SLC18A1: variants seen among roughly 807,000 people sequenced by gnomAD.
SLC18A1 encodes solute carrier family 18 member A1.
A neutral mutation model predicts 53.7 loss-of-function variants in SLC18A1; 69 were observed. The observed-to-expected ratio is 1.28, with a 90% CI of 1.06 to 1.57. The LOEUF (loss-of-function observed/expected upper bound fraction) is 1.57. SLC18A1 is among the 40% of genes most tolerant of loss of function. SLC18A1 has a pLI of 0.00. For synonymous variants in SLC18A1, 320 were observed against 248.1 expected (o/e 1.29, Z -2.72); for missense variants, 932 against 668.1 (o/e 1.40, Z -4.35).
intron 15 of SLC18A1, among the ~76,000 whole-genome samples, chr8:20,146,267 T>A (rs1204190837): frequency 6.6e-6 from 1 of 152,140 alleles, no homozygotes; most frequent in East Asian, 1.9e-4. Context: ...CTCCCACTAG[T>A]TCTTCCAAGG....
At chr8:20,155,908 C>G (rs889562249) in intron 10 of SLC18A1, among the ~76,000 whole-genome samples, 4 of 152,200 alleles carry the variant, frequency 2.6e-5, no homozygotes, top group African/African-American at 9.7e-5. Flanking sequence ...CCCCACCACC[C>G]TTGCAAGGGC....
At chr8:20,178,882 T>G (rs2072326968) in intron 3 of SLC18A1, among the ~76,000 whole-genome samples, 2 of 152,210 alleles carry the variant, frequency 1.3e-5, no homozygotes, top group South Asian at 4.1e-4. Context: ...CACAGCACAC[T>G]GCTGTTCATG....
At chr8:20,170,961 A>G (rs1016960239) in intron 8 of SLC18A1, 142 bp downstream of exon 8, 2 of 767,818 alleles carry the variant, frequency 2.6e-6, no homozygotes, top group Non-Finnish European at 4.3e-6. Flanking sequence ...ACGTAACCCT[A>G]TCCTGGAATC....
chr8:20,174,224 T>C, intron 5 of SLC18A1, 137 bp downstream of exon 5: 1 of 722,496 alleles, frequency 1.4e-6, no homozygotes, highest in Non-Finnish European at 2.4e-6. Flanking sequence ...AATTCCCTTA[T>C]TTCTGAATCA....
rs139871690 is a variant in SLC18A1, at chr8:20,161,806, T to C, written c.1015+3063A>G. Among the ~76,000 whole-genome samples, 16 of 152,308 alleles carry C rather than the reference T, an allele frequency of 1.1e-4. 1 individual carries two copies. The East Asian group carries it at 2.7e-3, about 26-fold the overall frequency. Reference sequence around the variant, plus strand: ...AATCCTGGGCACACTGGAGTGGAGTTTGGACCCCTAAGGCATCAGGCAGCC... The same window carrying C: ...AATCCTGGGCACACTGGAGTGGAGTCTGGACCCCTAAGGCATCAGGCAGCC... On this transcript the variant is annotated intron_variant, in intron 10 of 15. Transcript: ENST00000276373.
chr8:20,159,508 G>C (rs142334224), intron 10 of SLC18A1, among the ~76,000 whole-genome samples: 3,846 of 151,910 alleles, frequency 0.025, 175 homozygotes, highest in African/African-American at 0.089. Context: ...TCACCTGAGA[G>C]CACAGAGGGA....
At chr8:20,164,731 G>A (rs2071911052) in intron 10 of SLC18A1, 138 bp downstream of exon 10, 4 of 644,874 alleles carry the variant, frequency 6.2e-6, no homozygotes, top group Non-Finnish European at 1.1e-5. Context: ...ACACCCTCTT[G>A]GGCTTGATTC....
rs28435279 is a variant in SLC18A1, at chr8:20,167,957, A to T, written c.859-2850T>A. Among the ~76,000 whole-genome samples the T allele has an allele frequency of 1.2e-3, 177 of 152,108 alleles. 3 individuals are homozygous for T. Among genetic ancestry groups the T allele is most frequent in the African/African-American group, 3.9e-3 (163 of 41,444 alleles). ...TTTCTAAACACCATTCCCTACTAAC[A>T]AGAACCTGGGCTCCTTGGGGAAATG... On this transcript the variant is annotated intron_variant, in intron 8 of 15. Transcript: ENST00000276373.
At chr8:20,159,957 A>C (rs2071781461) in intron 10 of SLC18A1, among the ~76,000 whole-genome samples, 2 of 152,180 alleles carry the variant, frequency 1.3e-5, no homozygotes, top group Non-Finnish European at 2.9e-5. Context: ...GTTTGAGATC[A>C]GCAGAGTGAG....
chr8:20,181,736 G>A (rs1418925927), intron 1 of SLC18A1: 5 of 152,086 alleles, frequency 3.3e-5, no homozygotes, highest in African/African-American at 7.2e-5. Context: ...GAGAAACACT[G>A]ATGTAGACCA....
At position 20,164,964 on chromosome 8, in the gene SLC18A1, C is replaced by G; in HGVS notation, c.920G>C (p.Gly307Ala). The G allele has an allele frequency of 6.2e-7, 1 of 1,613,882 alleles. No homozygotes were observed. The highest frequency in any genetic ancestry group is 8.5e-7 in the Non-Finnish European group (1 of 1,179,860). ...LKDPYILVAA[G>A]SICFANMGVA... is the part of the protein sequence containing the mutation. ...CCCCATGTTGGCAAAGCAGATGGACCCTGGGGAGACTGTTCTGTGAGCAGC... is the reference window on the plus strand; with the variant it reads ...CCCCATGTTGGCAAAGCAGATGGACGCTGGGGAGACTGTTCTGTGAGCAGC... The change falls in exon 10 of 16, where the codon GGG becomes GCG. Residue 307 changes from glycine to alanine, a missense_variant and splice_region_variant. By Grantham distance (60) the Gly-to-Ala change is moderately conservative. Coordinates refer to ENST00000276373, the MANE Select transcript of SLC18A1 (RefSeq NM_003053.4).
chr8:20,167,353 T>C (rs371902083), intron 8 of SLC18A1, among the ~76,000 whole-genome samples: 2 of 152,224 alleles, frequency 1.3e-5, no homozygotes, highest in African/African-American at 4.8e-5. Flanking sequence ...TATTATAGAA[T>C]TATACAAGTA....
At chr8:20,177,796 T>C (rs1048991142) in intron 4 of SLC18A1, among the ~76,000 whole-genome samples, 2 of 152,208 alleles carry the variant, frequency 1.3e-5, no homozygotes, top group Non-Finnish European at 2.9e-5. Context: ...TCCTTCTTCC[T>C]TTACTTCTCA....
chr8:20,181,777 C>T (rs1234804121), intron 1 of SLC18A1: 3 of 152,064 alleles, frequency 2.0e-5, no homozygotes, highest in Admixed American at 1.3e-4. Context: ...AAATCCGAGC[C>T]TCTGAAGGTT....
At chr8:20,166,102 A>G (rs1489413386) in intron 8 of SLC18A1, among the ~76,000 whole-genome samples, 1 of 151,830 alleles carries the variant, frequency 6.6e-6, no homozygotes, top group African/African-American at 2.4e-5. Context: ...CCTTTGACCC[A>G]ACAGTCCCAC....
chr8:20,177,602 A>C (rs1217544848), intron 4 of SLC18A1, among the ~76,000 whole-genome samples: 3 of 152,196 alleles, frequency 2.0e-5, no homozygotes, highest in South Asian at 2.1e-4. Flanking sequence ...ACAAACCTGC[A>C]CGTTGTGCAC....
intron 15 of SLC18A1, among the ~76,000 whole-genome samples, 181 bp from the exon 16 acceptor site, chr8:20,146,057 A>C (rs1171527957): frequency 1.3e-5 from 2 of 151,936 alleles, no homozygotes; most frequent in Non-Finnish European, 2.9e-5. Context: ...CTGGAACTAC[A>C]GGCGCCCATC....
intron 8 of SLC18A1, among the ~76,000 whole-genome samples, chr8:20,170,197 G>A (rs73669734): frequency 0.048 from 7,240 of 152,138 alleles, 492 homozygotes; most frequent in East Asian, 0.28. Flanking sequence ...AGGAGACTGC[G>A]GGAGGCTCCT....
At chr8:20,160,475 T>C (rs2071800097) in intron 10 of SLC18A1, among the ~76,000 whole-genome samples, 1 of 151,890 alleles carries the variant, frequency 6.6e-6, no homozygotes, top group Non-Finnish European at 1.5e-5. Context: ...ATGAAAAACA[T>C]CTGTTTTTCA....
Sources: allele counts gnomAD v4.1 joint callset (sites outside exome capture counted in the v4.1 genomes callset), GRCh38; gene constraint gnomAD v4.1.1; transcripts MANE v1.5; gene names NCBI Gene and HGNC (gene_info 2026-07-23, HGNC 2026-07-21).